GPHN: variants seen among roughly 807,000 people sequenced by gnomAD.
GPHN encodes gephyrin.
A neutral mutation model predicts 95.5 loss-of-function variants in GPHN; 17 were observed. The observed-to-expected ratio is 0.18, with a 90% confidence interval of 0.12 to 0.27. The LOEUF (loss-of-function observed/expected upper bound fraction) is 0.27. GPHN is among the 10% of genes least tolerant of loss of function. GPHN has a pLI of 1.00. For missense variants in GPHN, 660 were observed against 978.1 expected, an observed-to-expected ratio of 0.67 and a Z score of 4.34; for synonymous variants, 320 against 322.5, an observed-to-expected ratio of 0.99 and a Z score of 0.08.
chr14:67,638,144 T>C, the GPHN span, among the ~76,000 whole-genome samples: 2 of 152,194 alleles, frequency 1.3e-5, no homozygotes, highest in Non-Finnish European at 2.9e-5. Flanking sequence ...AATAAACTTG[T>C]TTGAGCCATA....
chr14:67,328,304 C>T, the GPHN span, among the ~76,000 whole-genome samples: 5 of 152,246 alleles, frequency 3.3e-5, no homozygotes, highest in South Asian at 2.1e-4. Context: ...CTGTTCATAT[C>T]CTTTGCCCAC....
chr14:67,491,522 A>G, the GPHN span, among the ~76,000 whole-genome samples: 4,346 of 152,302 alleles, frequency 0.029, 201 homozygotes, highest in African/African-American at 0.098. Flanking sequence ...ATGAATAACA[A>G]AAGACATTCC....
At chr14:66,841,016 GATATAGATATAGA>G (rs1567006738) in intron 4 of GPHN, among the ~76,000 whole-genome samples, 45 of 145,712 alleles carry the variant, frequency 3.1e-4, no homozygotes, top group African/African-American at 1.1e-3. Flanking sequence ...TATAGATATA[GATATAGATATAGA>G]TATAGGTATA....
At chr14:67,719,012 A>T in the GPHN span, among the ~76,000 whole-genome samples, 1 of 152,248 alleles carries the variant, frequency 6.6e-6, no homozygotes, top group Non-Finnish European at 1.5e-5. Context: ...TTTATCCAGT[A>T]AGATACACCA....
intron 10 of GPHN, among the ~76,000 whole-genome samples, chr14:67,045,457 CTCTCTG>C (rs1400591919): frequency 6.7e-6 from 1 of 150,338 alleles, no homozygotes; most frequent in East Asian, 2.0e-4. Context: ...GTCTCTGTCT[CTCTCTG>C]TCTCTGTTTC....
chr14:67,204,833 T>C, the GPHN span: 4 of 1,613,862 alleles, frequency 2.5e-6, no homozygotes, highest in Middle Eastern at 1.6e-4. Context: ...ACCCCGTACA[T>C]GTATGCAGGT....
intron 18 of GPHN, 99 bp downstream of exon 18, chr14:67,143,548 C>A (rs939682002): frequency 7.4e-6 from 6 of 815,792 alleles, no homozygotes; most frequent in Non-Finnish European, 1.3e-5. Context: ...CATAACGAGG[C>A]TCCCACAAAG....
At chr14:66,865,488 T>C (rs936362848) in intron 4 of GPHN, among the ~76,000 whole-genome samples, 1 of 152,032 alleles carries the variant, frequency 6.6e-6, no homozygotes, top group African/African-American at 2.4e-5. Flanking sequence ...ACAAAAAAAA[T>C]TAAAACCAGG....
the GPHN span, among the ~76,000 whole-genome samples, chr14:67,226,547 G>T: frequency 6.6e-6 from 1 of 152,140 alleles, no homozygotes; most frequent in Non-Finnish European, 1.5e-5. Context: ...TTTTAGTAGA[G>T]ACGGGGTTTC....
At chr14:66,623,274 C>T (rs542434335) in intron 1 of GPHN, among the ~76,000 whole-genome samples, 2 of 152,208 alleles carry the variant, frequency 1.3e-5, no homozygotes, top group African/African-American at 4.8e-5. Context: ...AAGACCCACC[C>T]CCATAATTCA....
At chr14:67,669,943 A>G in the GPHN span, among the ~76,000 whole-genome samples, 3 of 152,012 alleles carry the variant, frequency 2.0e-5, no homozygotes, top group Non-Finnish European at 4.4e-5. Context: ...AAAATACAAA[A>G]AATTAGCCAG....
intron 21 of GPHN, among the ~76,000 whole-genome samples, chr14:67,176,677 T>C (rs2082975443): frequency 6.6e-6 from 1 of 152,208 alleles, no homozygotes; most frequent in African/African-American, 2.4e-5. Context: ...GTACTTCTCA[T>C]AGAATTCGGC....
At chr14:67,071,425 T>C (rs944401887) in intron 11 of GPHN, among the ~76,000 whole-genome samples, 7 of 151,800 alleles carry the variant, frequency 4.6e-5, no homozygotes, top group Non-Finnish European at 7.4e-5. Context: ...TAGGTGGGAA[T>C]TGAACAATGA....
chr14:67,289,870 A>T, the GPHN span, among the ~76,000 whole-genome samples: 1 of 145,484 alleles, frequency 6.9e-6, no homozygotes, highest in Non-Finnish European at 1.5e-5. Flanking sequence ...TCCTGGGTTC[A>T]CGCCATTCTC....
the GPHN span, among the ~76,000 whole-genome samples, chr14:67,679,738 T>A: frequency 6.6e-6 from 1 of 152,170 alleles, no homozygotes; most frequent in African/African-American, 2.4e-5. Context: ...ATAATTCCGA[T>A]GCAGAAAATT....
intron 19 of GPHN, among the ~76,000 whole-genome samples, chr14:67,164,250 A>C (rs1363916537): frequency 2.7e-5 from 4 of 147,338 alleles, no homozygotes; most frequent in African/African-American, 1.0e-4. Context: ...CCTGGGCGAC[A>C]AAGAGCAAAA....
chr14:67,206,658 A>G, the GPHN span, among the ~76,000 whole-genome samples: 1 of 152,326 alleles, frequency 6.6e-6, no homozygotes, highest in East Asian at 1.9e-4. Context: ...TAAAATAAAT[A>G]GAAAGATCAG....
chr14:67,571,034 T>A, the GPHN span: 1 of 152,274 alleles, frequency 6.6e-6, no homozygotes, highest in African/African-American at 2.4e-5. Flanking sequence ...TACCTCCTCC[T>A]TCTATAGGTG....
intron 9 of GPHN, among the ~76,000 whole-genome samples, chr14:66,967,390 G>A (rs1275673296): frequency 1.3e-5 from 2 of 151,944 alleles, no homozygotes; most frequent in African/African-American, 4.8e-5. Flanking sequence ...CTGCTTAAGA[G>A]AATCTAAACT....
Sources: allele counts gnomAD v4.1 joint callset (sites outside exome capture counted in the v4.1 genomes callset), GRCh38; gene constraint gnomAD v4.1.1; transcripts MANE v1.5; gene names NCBI Gene and HGNC (gene_info 2026-07-23, HGNC 2026-07-21).